Variants in TMEM50A observed in about 807,000 individuals in gnomAD.
TMEM50A encodes the protein transmembrane protein 50A.
Under a neutral mutation model 23.9 loss-of-function variants are expected in TMEM50A, and 8 were observed. The observed-to-expected ratio is 0.33, with a 90% CI of 0.20 to 0.60. The LOEUF (loss-of-function observed/expected upper bound fraction) is 0.60. Ranked by LOEUF, TMEM50A falls within the 20% of genes least tolerant of loss-of-function variation. The probability of loss-of-function intolerance (pLI) is 0.81; values close to 1 mark genes in which losing one functional copy is unlikely to be tolerated. For missense variants in TMEM50A, 178 were observed against 192.7 expected (o/e 0.92, Z 0.45); for synonymous variants, 55 against 60.4 (o/e 0.91, Z 0.41).
intron 4 of TMEM50A, among the ~76,000 whole-genome samples, chr1:25,352,296 T>C (rs1278759585): frequency 1.3e-5 from 2 of 151,898 alleles, no homozygotes; most frequent in African/African-American, 2.4e-5. Flanking sequence ...GAGATCGAGA[T>C]CATCCTGGCT....
At chr1:25,350,939 A>C (rs934490995) in intron 3 of TMEM50A, among the ~76,000 whole-genome samples, 1 of 151,446 alleles carries the variant, frequency 6.6e-6, no homozygotes, top group Non-Finnish European at 1.5e-5. Context: ...AGGCGGGCGG[A>C]TCACAAGGTC....
intron 2 of TMEM50A, chr1:25,342,598 C>T: frequency 6.5e-6 from 1 of 154,498 alleles, no homozygotes; most frequent in Non-Finnish European, 1.4e-5. Context: ...GAATATTTCT[C>T]TGGAAGTTTA....
At position 25,347,380 on chromosome 1, in the gene TMEM50A, C is replaced by T. The variant is rs553581497; in HGVS notation, c.207-4246C>T. On this transcript the variant is annotated intron_variant, in intron 3 of 6. Transcript: ENST00000374358. ...CCTCCTGAGTAACTGGGATTACAGA[C>T]GCCCACCACTGTGCCCAGCTAATTT... Among the ~76,000 whole-genome samples the T allele has an allele frequency of 6.4e-4, 98 of 152,192 alleles. 1 individual carries two copies. Among genetic ancestry groups the T allele is most frequent in the Non-Finnish European group, 1.1e-3 (78 of 68,008 alleles).
At chr1:25,343,199 T>G in intron 3 of TMEM50A, 126 bp downstream of exon 3, 1 of 706,038 alleles carries the variant, frequency 1.4e-6, no homozygotes, top group South Asian at 2.0e-5. Flanking sequence ...GATTTAAAAG[T>G]CACACAGTAG....
At position 25,352,730 on chromosome 1, in the gene TMEM50A, T is replaced by G. The variant is rs769865355; in HGVS notation, c.275-152T>G. 5 of 634,578 alleles carry G rather than the reference T, an allele frequency of 7.9e-6. No individual in the cohort carries two copies. In the East Asian group the frequency reaches 1.4e-4, roughly 18 times the overall value. 39.3% of individuals were successfully genotyped at this position (634,578 alleles called of 1,614,324 possible). A position where few individuals can be genotyped will look rare whatever the true frequency, so the allele number is the denominator to read the frequency against. On this transcript the variant is annotated intron_variant, in intron 4 of 6. Transcript: ENST00000374358. ...AGAAAAAGGCCAACAGGTACACTGA[T>G]GAAGATGTTTAACACATCCTTTACT...
intron 5 of TMEM50A, among the ~76,000 whole-genome samples, chr1:25,353,246 T>C (rs1486200856): frequency 6.6e-6 from 1 of 152,210 alleles, no homozygotes; most frequent in African/African-American, 2.4e-5. Context: ...CTTCCAAAAA[T>C]CTCAAAAGCA....
chr1:25,340,196 A>C (rs1277036595), intron 1 of TMEM50A, among the ~76,000 whole-genome samples: 2 of 152,132 alleles, frequency 1.3e-5, no homozygotes, highest in African/African-American at 4.8e-5. Context: ...TCAGCCTCCC[A>C]AATTGGTAGG....
In TMEM50A at chr1:25,362,354, TAA is replaced by T. The variant is rs2124273786; in HGVS notation, c.*1651_*1652del. On this transcript the variant is annotated 3_prime_UTR_variant, in exon 7 of 7. Coordinates refer to ENST00000374358, the MANE Select transcript of TMEM50A (RefSeq NM_014313.4). Reference sequence around the variant, plus strand: ...ATTTTAAACTTATTAAATTGACTCTTAAACTAAGTTTTTAGTCTTTAATTTTT... The same window carrying T: ...ATTTTAAACTTATTAAATTGACTCTTACTAAGTTTTTAGTCTTTAATTTTT... 6.9e-7 allele frequency: 1 copy of T among 1,445,268 alleles called. No homozygotes were observed. Among genetic ancestry groups the T allele is most frequent in the East Asian group, 2.4e-5 (1 of 40,918 alleles). The allele number at this position is 1,445,268 out of a possible 1,614,324, so 89.5% of individuals were successfully genotyped here.
At chr1:25,351,576 G>A (rs1645275832) in intron 3 of TMEM50A, 50 bp from the exon 4 acceptor site, 2 of 1,469,146 alleles carry the variant, frequency 1.4e-6, no homozygotes, top group Non-Finnish European at 1.9e-6. Context: ...ATTGTTTCTG[G>A]TAATTGGTGT....
rs1395008757 is a variant in TMEM50A at position 25,360,974 on chromosome 1, AAAAAGAAATTAC to A, written c.*281_*292del. 2 of 352,486 alleles carry A rather than the reference AAAAAGAAATTAC, an allele frequency of 5.7e-6. No individual in the cohort carries two copies. The highest frequency in any genetic ancestry group is 2.1e-5 in the African/African-American group (1 of 48,030). 21.8% of individuals were successfully genotyped at this position (352,486 alleles called of 1,614,324 possible). On this transcript the variant is annotated 3_prime_UTR_variant, in exon 7 of 7. Coordinates refer to ENST00000374358, the MANE Select transcript of TMEM50A (RefSeq NM_014313.4). ...TTATCATGGTATAATTTGTAAAAAT[AAAAAGAAATTAC>A]AAAAGAAATTATGGATTTGTCAATG... is the stretch of plus-strand genomic sequence containing the variant.
At chr1:25,343,171 G>T in intron 3 of TMEM50A, 98 bp downstream of exon 3, 1 of 882,458 alleles carries the variant, frequency 1.1e-6, no homozygotes. Flanking sequence ...AATATTATCA[G>T]ATTAACACAC....
chr1:25,349,115 A>G (rs3093607), intron 3 of TMEM50A, among the ~76,000 whole-genome samples: 13,909 of 152,204 alleles, frequency 0.091, 2,013 homozygotes, highest in African/African-American at 0.31. Flanking sequence ...ATGGGGCAGG[A>G]GAAGCAGTGT....
intron 6 of TMEM50A, among the ~76,000 whole-genome samples, chr1:25,359,111 T>C (rs1432418739): frequency 6.6e-6 from 1 of 152,112 alleles, no homozygotes; most frequent in Non-Finnish European, 1.5e-5. Flanking sequence ...CCATAGAGCA[T>C]GCAGGCAGGC....
At chr1:25,341,489 G>A (rs1228087135) in intron 2 of TMEM50A, among the ~76,000 whole-genome samples, 2 of 152,002 alleles carry the variant, frequency 1.3e-5, no homozygotes, top group South Asian at 2.1e-4. Context: ...CTCGTGATCC[G>A]CCTGCCTCGG....
intron 6 of TMEM50A, 147 bp downstream of exon 6, chr1:25,357,000 A>G (rs567947124): frequency 3.3e-5 from 20 of 612,424 alleles, no homozygotes; most frequent in Non-Finnish European, 4.9e-5. Flanking sequence ...AAGGTTGAGA[A>G]GGATATTTTA....
At chr1:25,354,942 T>C (rs1168361024) in intron 5 of TMEM50A, among the ~76,000 whole-genome samples, 1 of 152,130 alleles carries the variant, frequency 6.6e-6, no homozygotes, top group Non-Finnish European at 1.5e-5. Flanking sequence ...CAGCTAATTT[T>C]TGTATTTTTA....
At position 25,343,040 on chromosome 1, in the gene TMEM50A, C is replaced by T. The variant is rs3093647; in HGVS notation, c.173C>T (p.Ala58Val). ...TMKDFNHSYHACGVIATIAFL... is the reference protein window; with the variant it reads ...TMKDFNHSYHVCGVIATIAFL... ...AAAGATTTCAACCACTCATACCATG[C>T]CTGTGGTGTTATAGCAACCATAGCC... Residue 58 changes from alanine (A) to valine (V), a missense_variant, in exon 3 of 7, where the codon GCC (alanine) becomes GTC (valine). Coordinates refer to ENST00000374358, the MANE Select transcript of TMEM50A (RefSeq NM_014313.4). 4.6e-3 allele frequency: 7,405 copies of T among 1,613,250 alleles called. 20 individuals are homozygous for T. Among genetic ancestry groups the T allele is most frequent in the Non-Finnish European group, 5.6e-3 (6,629 of 1,179,662 alleles).
At position 25,340,508 on chromosome 1, in the gene TMEM50A, T is replaced by C. The variant is rs776565672; in HGVS notation, c.22T>C (p.Leu8=). 1.2e-6 allele frequency: 2 copies of C among 1,613,740 alleles called. No individual in the cohort carries two copies. Among genetic ancestry groups the C allele is most frequent in the Non-Finnish European group, 1.7e-6 (2 of 1,179,906 alleles). The part of the protein sequence containing the change: MSGFLEG[L]RCSECIDWGE... ...AAAAATGTCTGGATTTCTAGAGGGCTTGAGATGCTCAGAATGCATTGACTG... is the reference window on the plus strand; with the variant it reads ...AAAAATGTCTGGATTTCTAGAGGGCCTGAGATGCTCAGAATGCATTGACTG... The change falls in exon 2 of 7, where the codon TTG becomes CTG. Residue 8 remains leucine (L), a synonymous_variant. Transcript: ENST00000374358.
At chr1:25,359,349 C>G (rs1245791819) in intron 6 of TMEM50A, among the ~76,000 whole-genome samples, 1 of 152,122 alleles carries the variant, frequency 6.6e-6, no homozygotes, top group Non-Finnish European at 1.5e-5. Flanking sequence ...TACAGTTGCG[C>G]TCTTGCCTCT....
Sources: allele counts gnomAD v4.1 joint callset (sites outside exome capture counted in the v4.1 genomes callset), GRCh38; gene constraint gnomAD v4.1.1; transcripts MANE v1.5; gene names NCBI Gene and HGNC (gene_info 2026-07-23, HGNC 2026-07-21).